DSCAML1: variants seen among roughly 807,000 people sequenced by gnomAD.
DSCAML1 encodes cell adhesion molecule DSCAML1.
A neutral mutation model predicts 200.5 loss-of-function variants in DSCAML1; 38 were observed. The ratio of observed to expected loss-of-function variants is 0.19; its 90% CI spans 0.15 to 0.25. The LOEUF is 0.25. Among genes scored for constraint, DSCAML1 ranks in the 10% least tolerant of loss-of-function variants. The pLI, the probability that DSCAML1 is intolerant of heterozygous loss-of-function variation, is 1.00. For synonymous variants in DSCAML1, 1,215 were observed against 1,165.0 expected (o/e 1.04, Z -0.87); for missense variants, 2,223 against 2,858.8 (o/e 0.78, Z 5.07).
intron 17 of DSCAML1, among the ~76,000 whole-genome samples, chr11:117,462,894 C>T (rs1486068524): frequency 1.3e-5 from 2 of 152,252 alleles, no homozygotes; most frequent in Non-Finnish European, 2.9e-5. Context: ...CTCCCCTCTC[C>T]TCTGTTTTGA....
At chr11:117,797,972 G>A (rs896941587), upstream of DSCAML1, among the ~76,000 whole-genome samples, 3 of 152,174 alleles carry the variant, frequency 2.0e-5, no homozygotes, top group South Asian at 2.1e-4. Context: ...GAGTGAGGGC[G>A]TCTTCTCAGT....
rs1170464424 is a variant in DSCAML1, at chr11:117,498,032, G to A, written c.2359+5813C>T. ...GATTGGACCAGACCTGTGGACTAGA[G>A]GTCCGTCAGCCAGTCCAGATTCCAG... On this transcript the variant is annotated intron_variant, in intron 11 of 32. Coordinates refer to ENST00000651296, the MANE Select transcript of DSCAML1 (RefSeq NM_020693.4). The surrounding 1 kb of genome is among the most constrained non-coding windows in gnomAD (Gnocchi z 4.0). Among the ~76,000 whole-genome samples the A allele has an allele frequency of 6.6e-6, 1 of 152,244 alleles. No individual in the cohort carries two copies. The highest frequency in any genetic ancestry group is 1.5e-5 in the Non-Finnish European group (1 of 68,036).
rs573133844 is a variant in DSCAML1 at position 117,503,715 on chromosome 11, A to G, written c.2359+130T>C. 7 of 1,109,586 alleles carry G rather than the reference A, an allele frequency of 6.3e-6. No individual in the cohort carries two copies. In the South Asian group the frequency reaches 1.1e-4, roughly 18 times the overall value. 68.7% of individuals were successfully genotyped at this position (1,109,586 alleles called of 1,614,324 possible). On this transcript the variant is annotated intron_variant, in intron 11 of 32. Coordinates refer to ENST00000651296, the MANE Select transcript of DSCAML1 (RefSeq NM_020693.4). The surrounding 1 kb of genome is among the most constrained non-coding windows in gnomAD (Gnocchi z 5.2). Reference sequence around the variant, plus strand: ...TCCAAGGGTCCCAAGGCCACCTCTCACTAGGAAGCCTTCCTGCCTCCCCTT... The same window carrying G: ...TCCAAGGGTCCCAAGGCCACCTCTCGCTAGGAAGCCTTCCTGCCTCCCCTT...
At chr11:117,723,122 T>C (rs2054067181) in intron 3 of DSCAML1, among the ~76,000 whole-genome samples, 1 of 152,202 alleles carries the variant, frequency 6.6e-6, no homozygotes, top group Non-Finnish European at 1.5e-5. Flanking sequence ...TTAAGAAAAG[T>C]GCCAAGCATG....
chr11:117,638,096 G>A (rs1333247796), intron 3 of DSCAML1, among the ~76,000 whole-genome samples: 1 of 152,216 alleles, frequency 6.6e-6, no homozygotes, highest in African/African-American at 2.4e-5. Flanking sequence ...CCTGGGGCAG[G>A]GGTAGGGCCT....
intron 3 of DSCAML1, among the ~76,000 whole-genome samples, chr11:117,603,996 G>A (rs1274667354): frequency 1.3e-5 from 2 of 152,210 alleles, no homozygotes; most frequent in Non-Finnish European, 2.9e-5. Context: ...CTGGGCAGAC[G>A]ACTTGGCCAG....
rs748633810 is a variant in DSCAML1 at position 117,437,981 on chromosome 11, G to A, written c.4346C>T (p.Thr1449Met). 18 of 1,613,998 alleles carry A rather than the reference G, an allele frequency of 1.1e-5. No individual in the cohort carries two copies. The East Asian group carries it at 2.0e-4, about 18-fold the overall frequency. Residue 1449 changes from threonine to methionine, a missense_variant, in exon 25 of 33, where the codon ACG (threonine) becomes ATG (methionine). By Grantham distance (81) the Thr-to-Met change is moderately conservative. Around this residue, in one of 7 missense-constraint regions of DSCAML1, gnomAD observed 614 missense variants for 739.1 expected, o/e 0.83. Transcript: ENST00000651296. The surrounding 1 kb of genome is among the most constrained non-coding windows in gnomAD (Gnocchi z 5.3). ...SFKLDSLKCG[T>M]WYKVKLAAKN... ...GGCTGCCAGCTTCACCTTGTACCAC[G>A]TGCCACACTTGAGGCTGTCCAGCTT...
At chr11:117,599,427 T>A (rs1432966861) in intron 3 of DSCAML1, among the ~76,000 whole-genome samples, 2 of 152,078 alleles carry the variant, frequency 1.3e-5, no homozygotes, top group East Asian at 3.8e-4. Context: ...AATAGACACT[T>A]CGAAATCTTC....
intron 3 of DSCAML1, among the ~76,000 whole-genome samples, chr11:117,649,612 T>C: frequency 6.6e-6 from 1 of 152,118 alleles, no homozygotes; most frequent in Non-Finnish European, 1.5e-5. Flanking sequence ...TCTTCATTGA[T>C]CTCCCTGCTC....
chr11:117,587,162 C>T (rs2051160158), intron 3 of DSCAML1, among the ~76,000 whole-genome samples: 1 of 152,074 alleles, frequency 6.6e-6, no homozygotes, highest in East Asian at 1.9e-4. Flanking sequence ...AGACTTTTGA[C>T]CACCACCCTC....
rs557591975 is a variant in DSCAML1 at position 117,463,319 on chromosome 11, C to T, written c.3265+1623G>A. Among the ~76,000 whole-genome samples the T allele has an allele frequency of 6.6e-6, 1 of 151,902 alleles. No individual in the cohort carries two copies. Among genetic ancestry groups the T allele is most frequent in the South Asian group, 2.1e-4 (1 of 4,794 alleles). The stretch of plus-strand genomic sequence containing the variant: ...GTGCTATGATTCCCAAAGGTGCTCC[C>T]TGGACAAGCAGCATTACCTGGGAAC... On this transcript the variant is annotated intron_variant, in intron 17 of 32. Transcript: ENST00000651296. This position sits in a 1 kb window ranked among gnomAD's most constrained non-coding sequence, Gnocchi z 4.0.
chr11:117,542,807 A>G (rs1044784262), intron 3 of DSCAML1, among the ~76,000 whole-genome samples: 1 of 152,202 alleles, frequency 6.6e-6, no homozygotes, highest in African/African-American at 2.4e-5. Context: ...GGCTTGGGCT[A>G]AGAGACTTGT....
At chr11:117,599,203 G>A (rs112846922) in intron 3 of DSCAML1, among the ~76,000 whole-genome samples, 12 of 152,086 alleles carry the variant, frequency 7.9e-5, no homozygotes, top group Non-Finnish European at 1.6e-4. Context: ...GGGGACCCTG[G>A]ATCCAGCCCT....
In DSCAML1 at chr11:117,504,056, G is replaced by T; in HGVS notation, c.2183-35C>A. The T allele has an allele frequency of 1.2e-6, 2 of 1,607,214 alleles. No homozygotes were observed. The highest frequency in any genetic ancestry group is 2.2e-5 in the South Asian group (2 of 90,202). Reference sequence around the variant, plus strand: ...GGCAGCTGTTAGGAGGGCTGAGTCTGCACTGGGGCATAAGCTGAGAGTGCC... The same window carrying T: ...GGCAGCTGTTAGGAGGGCTGAGTCTTCACTGGGGCATAAGCTGAGAGTGCC... On this transcript the variant is annotated intron_variant, in intron 10 of 32. Transcript: ENST00000651296. This position sits in a 1 kb window ranked among gnomAD's most constrained non-coding sequence, Gnocchi z 5.0.
chr11:117,729,762 A>G (rs1407126615), intron 3 of DSCAML1, among the ~76,000 whole-genome samples: 4 of 152,210 alleles, frequency 2.6e-5, no homozygotes, highest in Admixed American at 6.5e-5. Flanking sequence ...TGACCTTCCA[A>G]AGATGCCCAG....
intron 1 of DSCAML1, among the ~76,000 whole-genome samples, chr11:117,813,947 C>T (rs1173428658): frequency 4.6e-5 from 7 of 152,248 alleles, no homozygotes; most frequent in Non-Finnish European, 1.0e-4. Context: ...GTGACTTGCA[C>T]CTATACGCCC....
intron 3 of DSCAML1, among the ~76,000 whole-genome samples, chr11:117,742,676 AG>A (rs1243544962): frequency 1.3e-5 from 2 of 152,196 alleles, no homozygotes; most frequent in Non-Finnish European, 2.9e-5. Flanking sequence ...ACTGAGTTCC[AG>A]GTAATTGGTT....
At chr11:117,553,409 A>G (rs973024921) in intron 3 of DSCAML1, among the ~76,000 whole-genome samples, 1 of 152,228 alleles carries the variant, frequency 6.6e-6, no homozygotes, top group African/African-American at 2.4e-5. Context: ...TAATATCCAG[A>G]ATATATAAAG....
Position 117,458,800 on chromosome 11 carries a change from C to G in DSCAML1, c.3522G>C (p.Gly1174=). The G allele has an allele frequency of 6.2e-7, 1 of 1,614,010 alleles. No individual in the cohort carries two copies. The highest frequency in any genetic ancestry group is 8.5e-7 in the Non-Finnish European group (1 of 1,180,002). ...SVQVLAYTQA[G]DGVRSSVLYI... is the part of the protein sequence containing the mutation. ...AGAGCACACTGCTGCGTACGCCGTC[C>G]CCAGCCTGGGTGTAGGCCAGCACCT... Residue 1174 remains glycine, a synonymous_variant, in exon 19 of 33, where the codon GGG becomes GGC. Coordinates refer to ENST00000651296, the MANE Select transcript of DSCAML1 (RefSeq NM_020693.4).
Sources: gnomAD v4.1 joint callset for allele counts (sites outside exome capture counted in the v4.1 genomes callset) on GRCh38, gnomAD v4.1.1 for gene constraint, gnomAD v4.1.1 regional missense constraint, Gnocchi (gnomAD v3.1) non-coding constraint, MANE v1.5 for transcripts, NCBI Gene and HGNC (gene_info 2026-07-23, HGNC 2026-07-21) for gene names.